CACNA1A: variants seen among roughly 807,000 people sequenced by gnomAD.
CACNA1A encodes the protein voltage-dependent P/Q-type calcium channel subunit alpha-1A.
Under a neutral mutation model 262.4 loss-of-function variants are expected in CACNA1A, and 57 were observed. That is an observed-to-expected ratio of 0.22 (90% confidence interval 0.18 to 0.27). The LOEUF is 0.27. Ranked by LOEUF, CACNA1A falls within the 10% of genes least tolerant of loss-of-function variation. The probability of loss-of-function intolerance (pLI) is 1.00; values close to 1 mark genes in which losing one functional copy is unlikely to be tolerated. For missense variants in CACNA1A, 2,526 were observed against 3,562.8 expected, an observed-to-expected ratio of 0.71 and a Z score of 7.41; for synonymous variants, 1,431 against 1,419.3, an observed-to-expected ratio of 1.01 and a Z score of -0.18.
chr19:13,299,014 G>C lies in CACNA1A; in HGVS notation c.2619C>G (p.Gly873=), dbSNP rs761874927. The C allele has an allele frequency of 4.2e-5, 67 of 1,587,678 alleles. 1 individual carries two copies. Among genetic ancestry groups the C allele is most frequent in the Non-Finnish European group, 3.4e-6 (4 of 1,173,280 alleles). The part of the protein sequence containing the change: ...RYHDRARDPS[G]SAGLDARRPW... ...GCCTCCGTGCGTCCAGGCCCGCCGA[G>C]CCGCTGGGGTCCCGGGCCCGATCGT... is the stretch of plus-strand genomic sequence containing the variant. The change falls in exon 19 of 47, where the codon GGC becomes GGG. Residue 873 remains glycine (G), a synonymous_variant. Transcript: ENST00000360228.
intron 38 of CACNA1A, among the ~76,000 whole-genome samples, chr19:13,219,313 A>G (rs977926079): frequency 6.6e-6 from 1 of 152,014 alleles, no homozygotes; most frequent in African/African-American, 2.4e-5. Flanking sequence ...AAGTGCTGGG[A>G]TTACAGGCGT....
rs976595665 is a variant in CACNA1A, at chr19:13,286,971, G to A, written c.3090-5C>T. On this transcript the variant is annotated splice_polypyrimidine_tract_variant and splice_region_variant and intron_variant, in intron 19 of 46. Transcript: ENST00000360228. ...ACCCCGGAGCCCTGGTTCTCTCTGA[G>A]GAAGGCAAGTGAATGAAAAAGAACC... 4.4e-6 allele frequency: 7 copies of A among 1,576,332 alleles called. No homozygotes were observed. In the Admixed American group the frequency reaches 5.6e-5, roughly 13 times the overall value.
intron 29 of CACNA1A, among the ~76,000 whole-genome samples, chr19:13,254,857 G>T (rs542281552): frequency 6.6e-6 from 1 of 152,226 alleles, no homozygotes; most frequent in African/African-American, 2.4e-5. Flanking sequence ...AAGCAGTCTT[G>T]GGTGGTCAGG....
chr19:13,377,286 T>C (rs1044862714), intron 3 of CACNA1A, among the ~76,000 whole-genome samples: 2 of 151,690 alleles, frequency 1.3e-5, no homozygotes, highest in African/African-American at 4.8e-5. Context: ...TTTCAAAATA[T>C]TACTGCTGAC....
intron 4 of CACNA1A, chr19:13,371,476 T>C (rs1390301280): frequency 1.8e-6 from 1 of 564,430 alleles, no homozygotes; most frequent in Non-Finnish European, 3.2e-6. Context: ...AGGTGCTCAA[T>C]AAATGGGTGT....
intron 17 of CACNA1A, among the ~76,000 whole-genome samples, chr19:13,302,112 C>G (rs529084334): frequency 6.6e-6 from 1 of 152,298 alleles, no homozygotes. Flanking sequence ...CAGACCCAGA[C>G]GGCCTGGGTT....
chr19:13,506,276 A>ACCC lies in CACNA1A; in HGVS notation c.-53_-52insGGG. On this transcript the variant is annotated 5_prime_UTR_variant, in exon 1 of 47. Coordinates refer to ENST00000360228, the MANE Select transcript of CACNA1A (RefSeq NM_001127222.2). ...TACGCTGCGGCGAACGATGCGGAAG[A>ACCC]CGCCGCCGCCGCCGCCGCCGCCGCT... is the stretch of plus-strand genomic sequence containing the variant. 7.4e-7 allele frequency: 1 copy of ACCC among 1,354,648 alleles called. No homozygotes were observed. The highest frequency in any genetic ancestry group is 9.5e-7 in the Non-Finnish European group (1 of 1,052,496). The allele number at this position is 1,354,648 out of a possible 1,614,324, so 83.9% of individuals were successfully genotyped here.
At position 13,286,857 on chromosome 19, in the gene CACNA1A, T is replaced by C. The variant is rs1411816416; in HGVS notation, c.3199A>G (p.Asn1067Asp). The C allele has an allele frequency of 6.2e-7, 1 of 1,613,720 alleles. No homozygotes were observed. The highest frequency in any genetic ancestry group is 8.5e-7 in the Non-Finnish European group (1 of 1,179,890). Reference protein sequence around the residue: ...QDPPLAEDIDNMKNNKLATAE... With the variant: ...QDPPLAEDIDDMKNNKLATAE... ...GTGGCCAGCTTGTTGTTCTTCATGT[T>C]GTCAATATCCTCTGCCAGGGGTGGG... The change falls in exon 20 of 47, where the codon AAC becomes GAC. Residue 1067 changes from asparagine (N) to aspartate (D), a missense_variant. Physicochemically the swap from Asn to Asp is conservative, Grantham distance 23. Coordinates refer to ENST00000360228, the MANE Select transcript of CACNA1A (RefSeq NM_001127222.2).
chr19:13,484,868 T>C (rs1039949451), intron 1 of CACNA1A, among the ~76,000 whole-genome samples: 1 of 152,204 alleles, frequency 6.6e-6, no homozygotes, highest in African/African-American at 2.4e-5. Flanking sequence ...TTGTTTCACA[T>C]GTTTCTTTTA....
intron 1 of CACNA1A, among the ~76,000 whole-genome samples, chr19:13,502,629 T>C (rs1163589868): frequency 1.3e-5 from 2 of 152,152 alleles, no homozygotes; most frequent in African/African-American, 2.4e-5. Flanking sequence ...CTGCCTGGCA[T>C]GAGAAAAACA....
At chr19:13,348,234 T>C (rs2058829694) in intron 6 of CACNA1A, among the ~76,000 whole-genome samples, 1 of 152,162 alleles carries the variant, frequency 6.6e-6, no homozygotes, top group Non-Finnish European at 1.5e-5. Context: ...GGGACATGCA[T>C]TTATGATCAC....
chr19:13,299,815 T>C (rs1273090405), intron 18 of CACNA1A, among the ~76,000 whole-genome samples: 1 of 152,176 alleles, frequency 6.6e-6, no homozygotes, highest in Admixed American at 6.5e-5. Flanking sequence ...CCAACCTTTT[T>C]GGCACCAGGG....
At chr19:13,481,173 C>T (rs535011805) in intron 1 of CACNA1A, among the ~76,000 whole-genome samples, 1 of 152,150 alleles carries the variant, frequency 6.6e-6, no homozygotes, top group African/African-American at 2.4e-5. Flanking sequence ...CATGGCTGTC[C>T]TTATTTTACA....
intron 3 of CACNA1A, among the ~76,000 whole-genome samples, chr19:13,380,037 G>A (rs993513026): frequency 3.7e-5 from 5 of 136,524 alleles, no homozygotes; most frequent in African/African-American, 1.4e-4. Flanking sequence ...TGTAATCCCA[G>A]CACTTTGGGA....
chr19:13,259,807 G>T, intron 26 of CACNA1A, 106 bp from the exon 27 acceptor site: 1 of 1,249,376 alleles, frequency 8.0e-7, no homozygotes, highest in Non-Finnish European at 1.1e-6. Context: ...TGGTCCACCA[G>T]CCTAGACTGC....
At chr19:13,333,728 C>T (rs1478895283) in intron 8 of CACNA1A, 1 of 152,354 alleles carries the variant, frequency 6.6e-6, no homozygotes, top group Non-Finnish European at 1.5e-5. Flanking sequence ...AGCCACCGCG[C>T]CCGGCCAACT....
chr19:13,328,287 G>A (rs978223916), intron 10 of CACNA1A, among the ~76,000 whole-genome samples: 1 of 152,146 alleles, frequency 6.6e-6, no homozygotes, highest in Non-Finnish European at 1.5e-5. Context: ...CCTACTGAGC[G>A]CTCCAATTCT....
chr19:13,368,602 T>C (rs1320396800), intron 4 of CACNA1A, among the ~76,000 whole-genome samples: 4 of 152,198 alleles, frequency 2.6e-5, no homozygotes, highest in African/African-American at 9.7e-5. Context: ...ATGATCAAAA[T>C]GAAGGTTCAA....
chr19:13,237,385 C>A (rs1204102272), intron 31 of CACNA1A, among the ~76,000 whole-genome samples: 2 of 152,138 alleles, frequency 1.3e-5, no homozygotes, highest in African/African-American at 4.8e-5. Context: ...CCTTCACCCC[C>A]CAAATGGCAC....
Sources: gnomAD v4.1 joint callset for allele counts (sites outside exome capture counted in the v4.1 genomes callset) on GRCh38, gnomAD v4.1.1 for gene constraint, MANE v1.5 for transcripts, NCBI Gene and HGNC (gene_info 2026-07-23, HGNC 2026-07-21) for gene names.